The following ISM1 variants were observed in gnomAD, a reference collection of about 807,000 sequenced individuals.
ISM1 encodes isthmin-1.
A neutral mutation model predicts 46.3 loss-of-function variants in ISM1; 25 were observed. The ratio of observed to expected loss-of-function variants is 0.54; its 90% CI spans 0.39 to 0.75. The LOEUF (loss-of-function observed/expected upper bound fraction) is 0.75. Ranked by LOEUF, ISM1 falls within the 30% of genes least tolerant of loss-of-function variation. ISM1 has a pLI of 0.00. For missense variants in ISM1, 536 were observed against 625.4 expected, an observed-to-expected ratio of 0.86 and a Z score of 1.52; for synonymous variants, 255 against 256.7, an observed-to-expected ratio of 0.99 and a Z score of 0.06.
chr20:13,268,761 C>T (rs2040076861), intron 1 of ISM1, among the ~76,000 whole-genome samples: 1 of 151,992 alleles, frequency 6.6e-6, no homozygotes, highest in Non-Finnish European at 1.5e-5. Context: ...TATAAAAATC[C>T]ATTCGCAGCT....
chr20:13,270,683 T>C lies in ISM1; in HGVS notation c.318T>C (p.Asp106=), dbSNP rs908248987. The C allele has an allele frequency of 1.2e-6, 2 of 1,613,942 alleles. No homozygotes were observed. The highest frequency in any genetic ancestry group is 1.7e-6 in the Non-Finnish European group (2 of 1,179,852). Residue 106 remains aspartate (D), a synonymous_variant, in exon 2 of 6, where the codon GAT becomes GAC. Transcript: ENST00000262487. ...ATTTCCCCAGATCCTTTCTCCTTGA[T>C]CTACCAAACTTTCCAGATCTTTCCA... The part of the protein sequence containing the change: ...QRDFPRSFLL[D]LPNFPDLSKA...
chr20:13,271,705 C>T (rs939179997), intron 2 of ISM1, among the ~76,000 whole-genome samples: 11 of 152,178 alleles, frequency 7.2e-5, no homozygotes, highest in Non-Finnish European at 1.6e-4. Context: ...CAAAGATGGT[C>T]CCCATGATGG....
Position 13,295,469 on chromosome 20 carries a change from T to C in ISM1, c.877+3006T>C, listed in dbSNP as rs555874666. 2.0e-5 allele frequency among the ~76,000 whole-genome samples: 3 copies of C among 152,246 alleles called. No individual in the cohort carries two copies. In the South Asian group the frequency reaches 6.2e-4, roughly 32 times the overall value. ...CCCAGCCCCAGACATCCCCAGCAGA[T>C]TTTTTCCTGCATAACCTTAGTTTGC... On this transcript the variant is annotated intron_variant, in intron 5 of 5. Coordinates refer to ENST00000262487, the MANE Select transcript of ISM1 (RefSeq NM_080826.2).
chr20:13,309,269 G>A, the ISM1 span, among the ~76,000 whole-genome samples: 1 of 151,414 alleles, frequency 6.6e-6, no homozygotes, highest in Admixed American at 6.6e-5. Context: ...TACTTTAGAG[G>A]TAACATTTTA....
At chr20:13,270,850 C>A (rs1321961014) in intron 2 of ISM1, 107 bp downstream of exon 2, 1 of 1,008,746 alleles carries the variant, frequency 9.9e-7, no homozygotes. Flanking sequence ...TTCTTAACCC[C>A]TTAATGATTC....
At position 13,299,499 on chromosome 20, in the gene ISM1, G is replaced by A. The variant is rs749735269; in HGVS notation, c.*40G>A. On this transcript the variant is annotated 3_prime_UTR_variant, in exon 6 of 6. Coordinates refer to ENST00000262487, the MANE Select transcript of ISM1 (RefSeq NM_080826.2). This position sits in a 1 kb window ranked among gnomAD's most constrained non-coding sequence, Gnocchi z 5.8. ...GGTGGAGGACGCTGCCTCTGGTTCT[G>A]GAGCACACACGTGCTGCACTGACGT... 1.1e-5 allele frequency: 17 copies of A among 1,559,798 alleles called. No individual in the cohort carries two copies. The highest frequency in any genetic ancestry group is 1.7e-5 in the Admixed American group (1 of 57,626).
At chr20:13,257,602 A>G (rs1410140997) in intron 1 of ISM1, among the ~76,000 whole-genome samples, 1 of 152,044 alleles carries the variant, frequency 6.6e-6, no homozygotes, top group Non-Finnish European at 1.5e-5. Flanking sequence ...TTTTATCATC[A>G]CTATATCTAT....
rs189110973 is a variant in ISM1 at position 13,250,381 on chromosome 20, G to A, written c.139-20123G>A. Among the ~76,000 whole-genome samples the A allele has an allele frequency of 4.2e-4, 63 of 151,690 alleles. No individual in the cohort carries two copies. In the South Asian group the frequency reaches 8.7e-3, roughly 21 times the overall value. ...ATTCAGCTTGCGGAGAATTTCACACGTACTGAAGACGTGAGAATGAAGTCC... is the reference window on the plus strand; with the variant it reads ...ATTCAGCTTGCGGAGAATTTCACACATACTGAAGACGTGAGAATGAAGTCC... On this transcript the variant is annotated intron_variant, in intron 1 of 5. Coordinates refer to ENST00000262487, the MANE Select transcript of ISM1 (RefSeq NM_080826.2).
At chr20:13,267,638 C>G (rs925625575) in intron 1 of ISM1, among the ~76,000 whole-genome samples, 4 of 152,146 alleles carry the variant, frequency 2.6e-5, no homozygotes, top group African/African-American at 9.7e-5. Flanking sequence ...AATTTCCTAC[C>G]AGGAAAAATT....
At chr20:13,290,011 T>G (rs2040335870) in intron 4 of ISM1, among the ~76,000 whole-genome samples, 1 of 152,150 alleles carries the variant, frequency 6.6e-6, no homozygotes, top group Non-Finnish European at 1.5e-5. Flanking sequence ...AAGGCGTTTC[T>G]GAGGAGAGGG....
intron 3 of ISM1, among the ~76,000 whole-genome samples, chr20:13,281,759 GGACCGCTTGATGCCAGC>G (rs2040240642): frequency 2.6e-5 from 4 of 152,208 alleles, no homozygotes; most frequent in African/African-American, 9.6e-5. Flanking sequence ...GAAGCACAGA[GGACCGCTTGATGCCAGC>G]CTGAGATTGC....
chr20:13,259,847 G>A (rs1449774548), intron 1 of ISM1, among the ~76,000 whole-genome samples: 1 of 152,222 alleles, frequency 6.6e-6, no homozygotes, highest in African/African-American at 2.4e-5. Flanking sequence ...AATACTAAGT[G>A]ATAAACTTGC....
chr20:13,221,878 C>T lies in ISM1; in HGVS notation c.102C>T (p.Asp34=). The part of the protein sequence containing the change: ...LRGSGAADGP[D]AAAGNASQAQ... ...GCTCGGGAGCCGCCGACGGGCCCGA[C>T]GCGGCCGCGGGCAACGCCAGCCAAG... is the stretch of plus-strand genomic sequence containing the variant. Residue 34 remains aspartate (D), a synonymous_variant, in exon 1 of 6, where the codon GAC becomes GAT. Transcript: ENST00000262487. 4 of 1,410,190 alleles carry T rather than the reference C, an allele frequency of 2.8e-6. No homozygotes were observed. The highest frequency in any genetic ancestry group is 3.0e-5 in the Admixed American group (1 of 32,952). 87.4% of individuals were successfully genotyped at this position (1,410,190 alleles called of 1,614,324 possible).
chr20:13,280,121 A>G (rs2040222460), intron 3 of ISM1, among the ~76,000 whole-genome samples: 1 of 152,098 alleles, frequency 6.6e-6, no homozygotes, highest in African/African-American at 2.4e-5. Context: ...CACTATACCA[A>G]TTATCCGAAG....
chr20:13,277,894 G>C (rs1268666760), intron 2 of ISM1, among the ~76,000 whole-genome samples: 1 of 152,054 alleles, frequency 6.6e-6, no homozygotes, highest in Non-Finnish European at 1.5e-5. Context: ...CCATTGGCTG[G>C]GCAACATCAT....
At position 13,221,995 on chromosome 20, in the gene ISM1, ATGCAGGGAGGCAGGTCCCC is replaced by A; in HGVS notation, c.138+85_138+103del. 7.4e-6 allele frequency: 9 copies of A among 1,216,176 alleles called. No homozygotes were observed. In the South Asian group the frequency reaches 2.3e-4, roughly 30 times the overall value. The allele number at this position is 1,216,176 out of a possible 1,614,324, so 75.3% of individuals were successfully genotyped here. ...GGGGTGCTGAGCTAGTGCCGGGTGG[ATGCAGGGAGGCAGGTCCCC>A]TGCCCCACCTAAGAGCAACTGTTTT... is the stretch of plus-strand genomic sequence containing the variant. On this transcript the variant is annotated intron_variant, in intron 1 of 5. Coordinates refer to ENST00000262487, the MANE Select transcript of ISM1 (RefSeq NM_080826.2).
intron 1 of ISM1, among the ~76,000 whole-genome samples, chr20:13,266,708 T>C (rs1290167886): frequency 6.6e-6 from 1 of 152,230 alleles, no homozygotes. Flanking sequence ...AGAATGGTCA[T>C]GATGCTTTCC....
rs752266127 is a variant in ISM1, at chr20:13,299,066, G to A, written c.1002G>A (p.Thr334=). The A allele has an allele frequency of 1.7e-5, 27 of 1,613,670 alleles. No homozygotes were observed. Among genetic ancestry groups the A allele is most frequent in the Non-Finnish European group, 2.1e-5 (25 of 1,179,844 alleles). The change falls in exon 6 of 6, where the codon ACG becomes ACA. Residue 334 remains threonine, a synonymous_variant. Coordinates refer to ENST00000262487, the MANE Select transcript of ISM1 (RefSeq NM_080826.2). This position sits in a 1 kb window ranked among gnomAD's most constrained non-coding sequence, Gnocchi z 5.8. ...ACCCCACTGAGGTGGCCTACAGCAC[G>A]GCCGACATCTTCGACCGCATCAAGC... ...CSYPTEVAYS[T]ADIFDRIKRK... is the part of the protein sequence containing the mutation.
rs118115371 is a variant in ISM1 at position 13,266,543 on chromosome 20, A to C, written c.139-3961A>C. ...CAGCATTGTCAATGTTAACTCATAGATAGTTAACTCAATGTTAACTCATTG... is the reference window on the plus strand; with the variant it reads ...CAGCATTGTCAATGTTAACTCATAGCTAGTTAACTCAATGTTAACTCATTG... On this transcript the variant is annotated intron_variant, in intron 1 of 5. Coordinates refer to ENST00000262487, the MANE Select transcript of ISM1 (RefSeq NM_080826.2). 5.1e-4 allele frequency among the ~76,000 whole-genome samples: 78 copies of C among 152,294 alleles called. No homozygotes were observed. The East Asian group carries it at 0.014, about 28-fold the overall frequency.
Sources: allele counts gnomAD v4.1 joint callset (sites outside exome capture counted in the v4.1 genomes callset), GRCh38; gene constraint gnomAD v4.1.1; non-coding constraint Gnocchi (gnomAD v3.1); transcripts MANE v1.5; gene names NCBI Gene and HGNC (gene_info 2026-07-23, HGNC 2026-07-21).